Variants in UGGT1 observed in about 807,000 individuals in gnomAD.
UGGT1 encodes UDP-glucose glycoprotein glucosyltransferase 1, also known as UDP-glucose:glycoprotein glucosyltransferase 1.
In UGGT1, 107 loss-of-function variants were observed where a neutral mutation model predicts 203.9. That is an observed-to-expected ratio of 0.52 (90% CI 0.45 to 0.62). The LOEUF (loss-of-function observed/expected upper bound fraction) is 0.62, where lower values mean the gene tolerates loss of function less well. Among genes scored for constraint, UGGT1 ranks in the 20% least tolerant of loss-of-function variants. UGGT1 has a pLI of 0.00. For missense variants in UGGT1, 1,673 were observed against 1,867.2 expected (o/e 0.90, Z 1.92); for synonymous variants, 628 against 653.5 (o/e 0.96, Z 0.59).
intron 26 of UGGT1, among the ~76,000 whole-genome samples, chr2:128,169,034 C>T (rs1288074513): frequency 2.8e-5 from 3 of 107,020 alleles, no homozygotes; most frequent in African/African-American, 7.3e-5. Flanking sequence ...GGTGAATGAG[C>T]GAGACTCTGT....
intron 23 of UGGT1, 90 bp from the exon 24 acceptor site, chr2:128,160,370 G>T (rs571943707): frequency 7.4e-5 from 102 of 1,384,084 alleles, no homozygotes; most frequent in Non-Finnish European, 9.5e-5. Flanking sequence ...TCCAGGGAAA[G>T]AAATTTTTAT....
At chr2:128,162,412 C>G (rs1690571523) in intron 25 of UGGT1, among the ~76,000 whole-genome samples, 1 of 150,712 alleles carries the variant, frequency 6.6e-6, no homozygotes, top group Non-Finnish European at 1.5e-5. Context: ...TGCACTCCAG[C>G]TTGGGTGACA....
At chr2:128,181,816 C>T (rs544642083) in intron 36 of UGGT1, among the ~76,000 whole-genome samples, 88 of 152,352 alleles carry the variant, frequency 5.8e-4, no homozygotes, top group African/African-American at 2.1e-3. Context: ...ATCCTCCCAG[C>T]AACCCTGTGA....
At position 128,192,289 on chromosome 2, in the gene UGGT1, A is replaced by G. The variant is rs1313848842; in HGVS notation, c.*2547A>G. On this transcript the variant is annotated 3_prime_UTR_variant, in exon 41 of 41. Transcript: ENST00000259253. The stretch of plus-strand genomic sequence containing the variant: ...CAGTTTTTTTTTTTTTTTTTGGTTC[A>G]TGTGGCATAATCATCTTTCAAAATT... The G allele has an allele frequency of 6.9e-6, 1 of 143,956 alleles. No individual in the cohort carries two copies. Among genetic ancestry groups the G allele is most frequent in the Non-Finnish European group, 1.5e-5 (1 of 66,454 alleles). The allele number at this position is 143,956 out of a possible 1,614,324, so 8.9% of individuals were successfully genotyped here.
In UGGT1 at chr2:128,145,816, A is replaced by G; in HGVS notation, c.1865A>G (p.Tyr622Cys). The change falls in exon 18 of 41, where the codon TAC becomes TGC. Residue 622 changes from tyrosine (Y) to cysteine (C), a missense_variant. Physicochemically the swap from Tyr to Cys is radical, Grantham distance 194 (BLOSUM62 -2). This residue lies in a region of UGGT1 where 1,073 missense variants were observed against 1,078.7 expected (regional missense o/e 0.99). Coordinates refer to ENST00000259253, the MANE Select transcript of UGGT1 (RefSeq NM_020120.4). ...CTTGTGTTTCAGGAAGCAAGAGGCTACTATGAGCAGACTGGAGTTGGACCT... is the reference window on the plus strand; with the variant it reads ...CTTGTGTTTCAGGAAGCAAGAGGCTGCTATGAGCAGACTGGAGTTGGACCT... ...YDRNRKEARGYYEQTGVGPLP... is the reference protein window; with the variant it reads ...YDRNRKEARGCYEQTGVGPLP... 1 of 1,598,802 alleles carries G rather than the reference A, an allele frequency of 6.3e-7. No homozygotes were observed. Among genetic ancestry groups the G allele is most frequent in the Non-Finnish European group, 8.5e-7 (1 of 1,170,992 alleles).
chr2:128,189,835 A>G lies in UGGT1; in HGVS notation c.*93A>G. 1 of 1,465,416 alleles carries G rather than the reference A, an allele frequency of 6.8e-7. No individual in the cohort carries two copies. Among genetic ancestry groups the G allele is most frequent in the Non-Finnish European group, 9.4e-7 (1 of 1,063,692 alleles). The allele number at this position is 1,465,416 out of a possible 1,614,324, so 90.8% of individuals were successfully genotyped here. ...TGATCTGTCTATACAACTGCTGATA[A>G]GCCGGCTGGGCAGGAGTGCCACACC... On this transcript the variant is annotated 3_prime_UTR_variant, in exon 41 of 41. Transcript: ENST00000259253.
intron 33 of UGGT1, among the ~76,000 whole-genome samples, chr2:128,178,201 C>T (rs903790252): frequency 6.6e-6 from 1 of 152,188 alleles, no homozygotes; most frequent in African/African-American, 2.4e-5. Flanking sequence ...GCTCAGTTTA[C>T]TTCCCGTTGT....
intron 30 of UGGT1, 93 bp downstream of exon 30, chr2:128,174,032 A>C: frequency 7.0e-7 from 1 of 1,436,450 alleles, no homozygotes; most frequent in Non-Finnish European, 9.5e-7. Flanking sequence ...TTAACCATAG[A>C]GTGAGATTAA....
intron 8 of UGGT1, among the ~76,000 whole-genome samples, chr2:128,117,237 C>G (rs1329034864): frequency 1.3e-5 from 2 of 151,814 alleles, no homozygotes; most frequent in Non-Finnish European, 2.9e-5. Context: ...TTACAGGCAC[C>G]CATCACCATG....
chr2:128,112,973 A>C (rs1028451482), intron 5 of UGGT1, 111 bp from the exon 6 acceptor site: 1 of 1,005,960 alleles, frequency 9.9e-7, no homozygotes, highest in East Asian at 2.8e-5. Context: ...CTTCATATTA[A>C]GATGCTTATA....
intron 5 of UGGT1, among the ~76,000 whole-genome samples, chr2:128,110,280 A>C (rs1340462149): frequency 6.6e-6 from 1 of 152,192 alleles, no homozygotes; most frequent in Admixed American, 6.5e-5. Flanking sequence ...CTAGGGCAGC[A>C]AGCCCTCTGT....
chr2:128,141,103 C>CG (rs1689400424), intron 16 of UGGT1, among the ~76,000 whole-genome samples: 2 of 152,184 alleles, frequency 1.3e-5, no homozygotes, highest in East Asian at 3.9e-4. Flanking sequence ...GGAGGGAGAT[C>CG]ACCTGAGGTC....
intron 8 of UGGT1, among the ~76,000 whole-genome samples, chr2:128,117,981 TGTGTGTGTGTGTGAGAGA>T (rs1224855984): frequency 1.4e-5 from 2 of 139,026 alleles, no homozygotes; most frequent in Non-Finnish European, 1.6e-5. Flanking sequence ...TGTGTGTCTG[TGTGTGTGTGTGTGAGAGA>T]GAGAGAGAGA....
At chr2:128,186,254 T>C (rs1691977500) in intron 38 of UGGT1, among the ~76,000 whole-genome samples, 1 of 152,234 alleles carries the variant, frequency 6.6e-6, no homozygotes, top group African/African-American at 2.4e-5. Flanking sequence ...TAAACATTTG[T>C]GATTGGCATG....
intron 12 of UGGT1, among the ~76,000 whole-genome samples, 154 bp downstream of exon 12, chr2:128,127,606 A>G (rs1022894489): frequency 6.6e-6 from 1 of 152,348 alleles, no homozygotes; most frequent in South Asian, 2.1e-4. Flanking sequence ...GGCACATGCC[A>G]TGATGGGTAG....
chr2:128,183,847 A>C, intron 38 of UGGT1, 58 bp downstream of exon 38: 6 of 1,362,464 alleles, frequency 4.4e-6, no homozygotes, highest in Non-Finnish European at 6.3e-6. Context: ...GTTGCATCAG[A>C]AAATGAAGTA....
At position 128,159,690 on chromosome 2, in the gene UGGT1, A is replaced by G. The variant is rs1558805365; in HGVS notation, c.2532A>G (p.Ala844=). The part of the protein sequence containing the change: ...AKEGAAEALA[A]GADIAEFSVG... ...AGGGGGCTGCAGAGGCCCTGGCTGC[A>G]GGAGCTGACATTGCGGAGTTCTCTG... The change falls in exon 23 of 41, where the codon GCA becomes GCG. Residue 844 remains alanine (A), a synonymous_variant. Coordinates refer to ENST00000259253, the MANE Select transcript of UGGT1 (RefSeq NM_020120.4). 10 of 1,614,042 alleles carry G rather than the reference A, an allele frequency of 6.2e-6. No individual in the cohort carries two copies. The highest frequency in any genetic ancestry group is 1.3e-5 in the African/African-American group (1 of 74,926).
chr2:128,160,529 G>A lies in UGGT1; in HGVS notation c.2632G>A (p.Val878Met), dbSNP rs115343101. Residue 878 changes from valine to methionine, a missense_variant, in exon 24 of 41, where the codon GTG becomes ATG. Transcript: ENST00000259253. ...SKMDFILSHA[V>M]YCRDVLKLKK... ...AATGGATTTCATTTTGTCTCATGCC[G>A]TGTACTGCAGGGATGTTCTGAAGCT... 130 of 1,613,146 alleles carry A rather than the reference G, an allele frequency of 8.1e-5. No individual in the cohort carries two copies. The African/African-American group carries it at 1.5e-3, about 19-fold the overall frequency.
At chr2:128,179,897 A>G (rs1490805244) in intron 35 of UGGT1, 27 bp downstream of exon 35, 5 of 1,582,310 alleles carry the variant, frequency 3.2e-6, no homozygotes, top group Non-Finnish European at 4.3e-6. Context: ...AAGGGAAAAC[A>G]TTCTTATTAA....
Sources: allele counts gnomAD v4.1 joint callset (sites outside exome capture counted in the v4.1 genomes callset), GRCh38; gene constraint gnomAD v4.1.1; regional missense constraint gnomAD v4.1.1; transcripts MANE v1.5; gene names NCBI Gene and HGNC (gene_info 2026-07-23, HGNC 2026-07-21).